Variants in ZNF708 observed in about 807,000 individuals in gnomAD.
The protein encoded by ZNF708 is ZNF15, ZNF15L1.
ZNF708 carries 44 observed loss-of-function variants against 47.0 expected under a neutral mutation model. The observed-to-expected ratio is 0.94, with a 90% CI of 0.74 to 1.20. The LOEUF (loss-of-function observed/expected upper bound fraction) is 1.20. ZNF708 is among the 50% of genes most tolerant of loss of function. The probability of loss-of-function intolerance (pLI) is 0.00; values close to 1 mark genes in which losing one functional copy is unlikely to be tolerated. For missense variants in ZNF708, 557 were observed against 656.0 expected (o/e 0.85, Z 1.65); for synonymous variants, 184 against 218.5 (o/e 0.84, Z 1.39).
chr19:21,297,096 G>A (rs1177489597), intron 3 of ZNF708, among the ~76,000 whole-genome samples: 1 of 151,090 alleles, frequency 6.6e-6, no homozygotes, highest in Non-Finnish European at 1.5e-5. Context: ...TTGCACCATT[G>A]TAATCCAGCC....
chr19:21,305,157 C>T (rs879286211), intron 3 of ZNF708, among the ~76,000 whole-genome samples: 7 of 151,618 alleles, frequency 4.6e-5, no homozygotes, highest in South Asian at 2.1e-4. Flanking sequence ...ACTACAGGTG[C>T]GTGCCACCAC....
intron 2 of ZNF708, among the ~76,000 whole-genome samples, chr19:21,309,798 C>G (rs113091160): frequency 2.0e-5 from 3 of 152,230 alleles, no homozygotes; most frequent in African/African-American, 7.2e-5. Context: ...AAAATACTAA[C>G]TTATAACAAA....
chr19:21,313,757 C>A (rs1386489433), intron 1 of ZNF708, among the ~76,000 whole-genome samples: 243 of 109,718 alleles, frequency 2.2e-3, no homozygotes, highest in East Asian at 5.5e-3. Flanking sequence ...GACTATGTCT[C>A]AAAAAAAAAA....
chr19:21,316,401 C>T (rs963418039), intron 1 of ZNF708, among the ~76,000 whole-genome samples: 1 of 151,936 alleles, frequency 6.6e-6, no homozygotes, highest in Non-Finnish European at 1.5e-5. Flanking sequence ...GCTGGGATTA[C>T]AGGAGTAAGC....
At position 21,294,557 on chromosome 19, in the gene ZNF708, T is replaced by G. The variant is rs2145147072; in HGVS notation, c.409A>C (p.Ser137Arg). Reference sequence around the variant, plus strand: ...TATTTGTCACACTGAACTATTTTGCTCTGGGTAGTTGTCACACACCGGTTA... The same window carrying G: ...TATTTGTCACACTGAACTATTTTGCGCTGGGTAGTTGTCACACACCGGTTA... ...GLNRCVTTTQ[S>R]KIVQCDKYVK... The change falls in exon 4 of 4, where the codon AGC (serine) becomes CGC (arginine). Residue 137 changes from serine to arginine, a missense_variant. Ser to Arg is a moderately radical substitution (Grantham distance 110). Transcript: ENST00000356929. 6.2e-7 allele frequency: 1 copy of G among 1,614,140 alleles called. No homozygotes were observed. The highest frequency in any genetic ancestry group is 2.2e-5 in the East Asian group (1 of 44,864).
rs994160575 is a variant in ZNF708 at position 21,292,966 on chromosome 19, A to G, written c.*308T>C. On this transcript the variant is annotated 3_prime_UTR_variant, in exon 4 of 4. Coordinates refer to ENST00000356929, the MANE Select transcript of ZNF708 (RefSeq NM_021269.3). ...TTTCGCATTTTTAAAGTTCCTCACC[A>G]GTATGATTTATTTTATGTTTAGAAA... The G allele has an allele frequency of 8.0e-6, 2 of 249,292 alleles. No individual in the cohort carries two copies. The highest frequency in any genetic ancestry group is 1.4e-4 in the South Asian group (2 of 14,362). 15.4% of individuals were successfully genotyped at this position (249,292 alleles called of 1,614,324 possible).
At chr19:21,321,712 G>A (rs985524220) in intron 1 of ZNF708, among the ~76,000 whole-genome samples, 3 of 128,002 alleles carry the variant, frequency 2.3e-5, no homozygotes, top group Non-Finnish European at 3.7e-5. Context: ...AGAAAGGAAG[G>A]AAGGAAGGAA....
At position 21,292,371 on chromosome 19, in the gene ZNF708, T is replaced by C. The variant is rs1972413399; in HGVS notation, c.*903A>G. On this transcript the variant is annotated 3_prime_UTR_variant, in exon 4 of 4. Transcript: ENST00000356929. ...CACTGTGAATTCTCTGATATTTACA[T>C]AGACTTATTTTGGATTAAATGTTTT... The C allele has an allele frequency of 6.6e-6, 1 of 152,238 alleles. No homozygotes were observed. The highest frequency in any genetic ancestry group is 6.5e-5 in the Admixed American group (1 of 15,284). The allele number at this position is 152,238 out of a possible 1,614,324, so 9.4% of individuals were successfully genotyped here.
At chr19:21,317,408 C>A (rs1188254558) in intron 1 of ZNF708, among the ~76,000 whole-genome samples, 1 of 152,168 alleles carries the variant, frequency 6.6e-6, no homozygotes, top group Non-Finnish European at 1.5e-5. Flanking sequence ...GGCAGAGATG[C>A]AATTCTTCCT....
chr19:21,297,266 A>T (rs1286116092), intron 3 of ZNF708, among the ~76,000 whole-genome samples: 1 of 14,860 alleles, frequency 6.7e-5, no homozygotes, highest in African/African-American at 2.1e-4. Flanking sequence ...ATATATATAT[A>T]TATATTTTTT....
chr19:21,324,891 T>C (rs959915776), intron 1 of ZNF708, among the ~76,000 whole-genome samples: 2 of 152,064 alleles, frequency 1.3e-5, no homozygotes, highest in African/African-American at 4.8e-5. Context: ...TGAATCTATG[T>C]AACTCAGCAA....
chr19:21,298,911 T>C (rs1972598188), intron 3 of ZNF708, among the ~76,000 whole-genome samples: 1 of 152,102 alleles, frequency 6.6e-6, no homozygotes, highest in South Asian at 2.1e-4. Flanking sequence ...ATAACAACTA[T>C]AAAGATAAAT....
intron 2 of ZNF708, among the ~76,000 whole-genome samples, chr19:21,310,064 T>C (rs1217022046): frequency 6.6e-6 from 1 of 152,102 alleles, no homozygotes; most frequent in African/African-American, 2.4e-5. Flanking sequence ...TAGTTGAAAC[T>C]CATTTATGTA....
intron 3 of ZNF708, among the ~76,000 whole-genome samples, chr19:21,295,938 C>T (rs1972518360): frequency 6.6e-6 from 1 of 151,962 alleles, no homozygotes; most frequent in African/African-American, 2.4e-5. Context: ...GTGAATGAAA[C>T]AGGAACACAG....
chr19:21,297,256 ATATATATATATATATTTTTTTT>A (rs1254805025), intron 3 of ZNF708, among the ~76,000 whole-genome samples: 57 of 14,146 alleles, frequency 4.0e-3, no homozygotes, highest in African/African-American at 0.012. Context: ...ATATATATAT[ATATATATATATATATTTTTTTT>A]TTTTTTTTTT....
intron 1 of ZNF708, among the ~76,000 whole-genome samples, chr19:21,328,812 A>G (rs1437740395): frequency 1.3e-5 from 2 of 152,182 alleles, no homozygotes; most frequent in Non-Finnish European, 2.9e-5. Context: ...TGACTGCCAC[A>G]GATTTTTAAT....
At chr19:21,314,128 G>T (rs1972957719) in intron 1 of ZNF708, among the ~76,000 whole-genome samples, 1 of 152,148 alleles carries the variant, frequency 6.6e-6, no homozygotes, top group South Asian at 2.1e-4. Context: ...GGCTGGGTGA[G>T]ATCTAAACAA....
intron 1 of ZNF708, 152 bp downstream of exon 1, chr19:21,329,058 G>A: frequency 7.5e-6 from 9 of 1,203,930 alleles, no homozygotes; most frequent in South Asian, 1.3e-5. Context: ...GCCATCTTAT[G>A]GCTGAAGGGG....
chr19:21,296,999 G>A (rs1972538070), intron 3 of ZNF708, among the ~76,000 whole-genome samples: 1 of 150,994 alleles, frequency 6.6e-6, no homozygotes, highest in African/African-American at 2.4e-5. Flanking sequence ...TGGGCGTGGT[G>A]GTGGGCAACT....
Sources: allele counts gnomAD v4.1 joint callset (sites outside exome capture counted in the v4.1 genomes callset), GRCh38; gene constraint gnomAD v4.1.1; transcripts MANE v1.5; gene names NCBI Gene and HGNC (gene_info 2026-07-23, HGNC 2026-07-21).